The following NOS1AP variants were observed in gnomAD, a reference collection of about 807,000 sequenced individuals.
NOS1AP encodes carboxyl-terminal PDZ ligand of neuronal nitric oxide synthase protein.
Under a neutral mutation model 56.2 loss-of-function variants are expected in NOS1AP, and 21 were observed. That is an observed-to-expected ratio of 0.37 (90% CI 0.26 to 0.54). The LOEUF (loss-of-function observed/expected upper bound fraction) is 0.54, where lower values mean the gene tolerates loss of function less well. Among genes scored for constraint, NOS1AP ranks in the 20% least tolerant of loss-of-function variants. NOS1AP has a pLI of 0.84. For missense variants in NOS1AP, 522 were observed against 657.8 expected, an observed-to-expected ratio of 0.79 and a Z score of 2.26; for synonymous variants, 270 against 274.6, an observed-to-expected ratio of 0.98 and a Z score of 0.17.
At chr1:162,294,173 T>TAGGA (rs1295442688) in intron 3 of NOS1AP, among the ~76,000 whole-genome samples, 2,702 of 84,690 alleles carry the variant, frequency 0.032, 74 homozygotes, top group Admixed American at 0.04. Flanking sequence ...GGAAGGCAGG[T>TAGGA]AGGAAGGAAG....
At chr1:162,112,266 T>A (rs1449921818) in intron 1 of NOS1AP, among the ~76,000 whole-genome samples, 7 of 152,212 alleles carry the variant, frequency 4.6e-5, no homozygotes, top group Admixed American at 4.6e-4. Flanking sequence ...TTACTTGGCA[T>A]GGCCAACAAA....
At chr1:162,221,866 C>T (rs1571140061) in intron 2 of NOS1AP, among the ~76,000 whole-genome samples, 1 of 152,094 alleles carries the variant, frequency 6.6e-6, no homozygotes, top group East Asian at 1.9e-4. Context: ...AATGATAAAT[C>T]AAAGATGTCC....
intron 1 of NOS1AP, among the ~76,000 whole-genome samples, chr1:162,123,571 T>G (rs1169213000): frequency 2.0e-5 from 3 of 152,250 alleles, no homozygotes; most frequent in South Asian, 2.1e-4. Flanking sequence ...TTTGCATATG[T>G]AAAAATATAT....
intron 2 of NOS1AP, among the ~76,000 whole-genome samples, chr1:162,238,459 C>T (rs1653376950): frequency 6.6e-6 from 1 of 152,138 alleles, no homozygotes; most frequent in African/African-American, 2.4e-5. Context: ...AAACATACTA[C>T]CGGCAACTGC....
chr1:162,299,231 G>A lies in NOS1AP; in HGVS notation c.271-1402G>A, dbSNP rs1437649389. On this transcript the variant is annotated intron_variant, in intron 3 of 9. Transcript: ENST00000361897. ...AAAACTGCTATAAACCAATCTGCTG[G>A]GTTAAGAGGAGTGTCATGGCTGGAA... Among the ~76,000 whole-genome samples the A allele has an allele frequency of 3.9e-5, 6 of 152,228 alleles. No homozygotes were observed. In the East Asian group the frequency reaches 1.2e-3, roughly 29 times the overall value.
intron 2 of NOS1AP, among the ~76,000 whole-genome samples, chr1:162,194,787 G>T (rs1030000430): frequency 6.6e-6 from 1 of 152,124 alleles, no homozygotes; most frequent in East Asian, 1.9e-4. Flanking sequence ...CAAGAGGGGC[G>T]TATTAATTCC....
At chr1:162,294,671 A>G (rs1047491300) in intron 3 of NOS1AP, among the ~76,000 whole-genome samples, 2 of 152,236 alleles carry the variant, frequency 1.3e-5, no homozygotes, top group Non-Finnish European at 2.9e-5. Context: ...AGGAGATGGC[A>G]CAGAGAGAGA....
At chr1:162,192,958 G>A (rs1457357085) in intron 2 of NOS1AP, among the ~76,000 whole-genome samples, 3 of 152,018 alleles carry the variant, frequency 2.0e-5, no homozygotes, top group African/African-American at 7.2e-5. Context: ...TATCTAACAG[G>A]CCACTTTGAC....
At position 162,332,068 on chromosome 1, in the gene NOS1AP, C is replaced by T. The variant is rs547307825; in HGVS notation, c.345-949C>T. ...CCTTCTACATTTTGGCCTCTGGCTGCATCTATTACCTTGTTGCTGACCATA... is the reference window on the plus strand; with the variant it reads ...CCTTCTACATTTTGGCCTCTGGCTGTATCTATTACCTTGTTGCTGACCATA... On this transcript the variant is annotated intron_variant, in intron 4 of 9. Transcript: ENST00000361897. 5.3e-5 allele frequency among the ~76,000 whole-genome samples: 8 copies of T among 152,350 alleles called. No individual in the cohort carries two copies. The South Asian group carries it at 1.7e-3, about 32-fold the overall frequency.
At chr1:162,311,261 C>T (rs557703454) in intron 4 of NOS1AP, among the ~76,000 whole-genome samples, 113 of 152,242 alleles carry the variant, frequency 7.4e-4, no homozygotes, top group South Asian at 4.8e-3. Flanking sequence ...TATCATCTAC[C>T]ACTTCTCATT....
chr1:162,367,149 G>C lies in NOS1AP; in HGVS notation c.1203G>C (p.Ser401=). The change falls in exon 10 of 10, where the codon TCG becomes TCC. Residue 401 remains serine (S), a synonymous_variant. Transcript: ENST00000361897. The surrounding 1 kb of genome is among the most constrained non-coding windows in gnomAD (Gnocchi z 6.5). ...PTTPKPEDLH[S]PPLGAGLADF... ...CCCCTAAGCCAGAGGACCTGCATTC[G>C]CCGCCGCTGGGCGCGGGCTTGGCTG... 6.2e-7 allele frequency: 1 copy of C among 1,613,698 alleles called. No homozygotes were observed. The highest frequency in any genetic ancestry group is 8.5e-7 in the Non-Finnish European group (1 of 1,179,952).
chr1:162,076,760 G>A (rs569291328), intron 1 of NOS1AP, among the ~76,000 whole-genome samples: 20 of 152,232 alleles, frequency 1.3e-4, no homozygotes, highest in Non-Finnish European at 1.9e-4. Flanking sequence ...TACCCCCTGC[G>A]TCTTCCCAGA....
chr1:162,194,997 A>G (rs900652132), intron 2 of NOS1AP, among the ~76,000 whole-genome samples: 1 of 152,102 alleles, frequency 6.6e-6, no homozygotes, highest in African/African-American at 2.4e-5. Flanking sequence ...TGTCTGGACT[A>G]GGATTGCTTG....
At position 162,367,275 on chromosome 1, in the gene NOS1AP, G is replaced by T. The variant is rs1197311565; in HGVS notation, c.1329G>T (p.Ala443=). 6.2e-7 allele frequency: 1 copy of T among 1,613,586 alleles called. No individual in the cohort carries two copies. Among genetic ancestry groups the T allele is most frequent in the Non-Finnish European group, 8.5e-7 (1 of 1,179,934 alleles). The change falls in exon 10 of 10, where the codon GCG becomes GCT. Residue 443 remains alanine, a synonymous_variant. Coordinates refer to ENST00000361897, the MANE Select transcript of NOS1AP (RefSeq NM_014697.3). The surrounding 1 kb of genome is among the most constrained non-coding windows in gnomAD (Gnocchi z 6.5). ...CGCCCGAGGACACCCCGCCCCCAGC[G>T]CAGGGCGAGGCGCTCCTGGGCGGTC... ...FLPPEDTPPP[A]QGEALLGGLE...
chr1:162,136,818 T>C (rs930285871), intron 1 of NOS1AP, among the ~76,000 whole-genome samples: 3 of 152,214 alleles, frequency 2.0e-5, no homozygotes, highest in African/African-American at 7.2e-5. Flanking sequence ...CCTTGGAGCA[T>C]ACAGAAGTAC....
chr1:162,342,930 G>T (rs933907275), intron 5 of NOS1AP, among the ~76,000 whole-genome samples: 3 of 152,226 alleles, frequency 2.0e-5, no homozygotes, highest in Admixed American at 6.5e-5. Context: ...GAGAAGCAGT[G>T]TGCTGAGCCC....
At chr1:162,262,264 T>C (rs1440089128) in intron 2 of NOS1AP, among the ~76,000 whole-genome samples, 1 of 152,194 alleles carries the variant, frequency 6.6e-6, no homozygotes, top group Non-Finnish European at 1.5e-5. Flanking sequence ...TCACTTACTA[T>C]AAATATAAGC....
At chr1:162,196,826 G>A (rs1162949790) in intron 2 of NOS1AP, among the ~76,000 whole-genome samples, 1 of 152,244 alleles carries the variant, frequency 6.6e-6, no homozygotes, top group African/African-American at 2.4e-5. Flanking sequence ...GCACTTGGCA[G>A]ATGGTCAGTA....
At chr1:162,085,256 T>G (rs971331434) in intron 1 of NOS1AP, among the ~76,000 whole-genome samples, 4 of 152,116 alleles carry the variant, frequency 2.6e-5, no homozygotes, top group Non-Finnish European at 5.9e-5. Context: ...ATTCTTCTCC[T>G]GCTTGTTTTA....
Sources: allele counts gnomAD v4.1 joint callset (sites outside exome capture counted in the v4.1 genomes callset), GRCh38; gene constraint gnomAD v4.1.1; non-coding constraint Gnocchi (gnomAD v3.1); transcripts MANE v1.5; gene names NCBI Gene and HGNC (gene_info 2026-07-23, HGNC 2026-07-21).